PCDHA3: variants seen among roughly 807,000 people sequenced by gnomAD.
The protein encoded by PCDHA3 is protocadherin alpha 3.
A neutral mutation model predicts 62.2 loss-of-function variants in PCDHA3; 41 were observed. That is an observed-to-expected ratio of 0.66 (90% confidence interval 0.51 to 0.86). The LOEUF is 0.86. PCDHA3 is among the 40% of genes least tolerant of loss of function. The probability of loss-of-function intolerance (pLI) is 0.00; values close to 1 mark genes in which losing one functional copy is unlikely to be tolerated. For synonymous variants in PCDHA3, 640 were observed against 555.4 expected, an observed-to-expected ratio of 1.15 and a Z score of -2.14; for missense variants, 1,304 against 1,241.2, an observed-to-expected ratio of 1.05 and a Z score of -0.76.
chr5:140,809,345 G>A lies in PCDHA3; in HGVS notation c.2394+5754G>A, dbSNP rs138998178. The A allele has an allele frequency of 7.9e-5, 128 of 1,614,044 alleles. No homozygotes were observed. Among genetic ancestry groups the A allele is most frequent in the Non-Finnish European group, 1.0e-4 (121 of 1,179,918 alleles). ...GGTGCTCACGCTGCTGCTGTACACC[G>A]CGCTGCGGTGCTCTGCGCTGCCCAC... On this transcript the variant is annotated intron_variant, in intron 1 of 3. Transcript: ENST00000522353.
At position 140,963,599 on chromosome 5, in the gene PCDHA3, C is replaced by T. The variant is rs968307291; in HGVS notation, c.2395-15350C>T. On this transcript the variant is annotated intron_variant, in intron 1 of 3. Coordinates refer to ENST00000522353, the MANE Select transcript of PCDHA3 (RefSeq NM_018906.3). ...TCAAAATGTAGGATATAGTTCTAGA[C>T]GTAATTGGGAAAGCTTAACTTTGTT... Among the ~76,000 whole-genome samples, 9 of 152,254 alleles carry T rather than the reference C, an allele frequency of 5.9e-5. No individual in the cohort carries two copies. The South Asian group carries it at 1.0e-3, about 18-fold the overall frequency.
In PCDHA3 at chr5:140,853,126, G is replaced by A. The variant is rs182768558; in HGVS notation, c.2394+49535G>A. 8.6e-5 allele frequency: 48 copies of A among 560,326 alleles called. 1 individual carries two copies. In the East Asian group the frequency reaches 5.9e-3, roughly 68 times the overall value. The allele number at this position is 560,326 out of a possible 1,614,324, so 34.7% of individuals were successfully genotyped here. On this transcript the variant is annotated intron_variant, in intron 1 of 3. Coordinates refer to ENST00000522353, the MANE Select transcript of PCDHA3 (RefSeq NM_018906.3). ...GATCTCCTGACCTCATGATCCTCCC[G>A]CCTCAGCCTCCCAAAATGCTGGGAT...
intron 1 of PCDHA3, among the ~76,000 whole-genome samples, chr5:140,901,764 G>A (rs1217710808): frequency 6.6e-6 from 1 of 152,120 alleles, no homozygotes; most frequent in Non-Finnish European, 1.5e-5. Context: ...GACAGGGATT[G>A]CATTGAATTT....
At chr5:140,958,498 G>A (rs2095427243) in intron 1 of PCDHA3, among the ~76,000 whole-genome samples, 1 of 152,020 alleles carries the variant, frequency 6.6e-6, no homozygotes, top group African/African-American at 2.4e-5. Context: ...ACATATCCTA[G>A]GAGGCATGGC....
intron 1 of PCDHA3, among the ~76,000 whole-genome samples, chr5:140,889,199 T>C (rs1399579598): frequency 1.3e-5 from 2 of 151,896 alleles, no homozygotes; most frequent in African/African-American, 4.8e-5. Context: ...ATAACTTGAA[T>C]ACTTAACAAA....
At chr5:140,852,575 C>G (rs913886842) in intron 1 of PCDHA3, 6 of 798,922 alleles carry the variant, frequency 7.5e-6, no homozygotes, top group African/African-American at 1.9e-5. Flanking sequence ...TGTGCCAAGG[C>G]TTTTTTATTT....
chr5:140,817,284 G>C (rs1412260220), intron 1 of PCDHA3: 2 of 152,406 alleles, frequency 1.3e-5, no homozygotes, highest in Non-Finnish European at 2.9e-5. Flanking sequence ...TGTGCTGCTG[G>C]ATGGGACTAT....
intron 1 of PCDHA3, chr5:140,969,495 C>A: frequency 7.0e-7 from 1 of 1,437,888 alleles, no homozygotes; most frequent in South Asian, 1.5e-5. Flanking sequence ...TATTTCCTCT[C>A]TAGAAAAATA....
intron 1 of PCDHA3, chr5:140,870,602 A>G: frequency 6.2e-7 from 1 of 1,613,246 alleles, no homozygotes; most frequent in Non-Finnish European, 8.5e-7. Flanking sequence ...CGGTTGGGCG[A>G]CCGCGCGCTG....
At chr5:140,805,124 C>G in intron 1 of PCDHA3, 1 of 1,583,798 alleles carries the variant, frequency 6.3e-7, no homozygotes. Flanking sequence ...AGACTCTTGG[C>G]AAAGACATTT....
chr5:140,875,525 T>C, intron 1 of PCDHA3: 1 of 1,614,132 alleles, frequency 6.2e-7, no homozygotes, highest in Non-Finnish European at 8.5e-7. Flanking sequence ...CTGCTCTCGC[T>C]TCTGCTCCTT....
chr5:140,875,783 T>C (rs782000038), intron 1 of PCDHA3: 4 of 1,614,050 alleles, frequency 2.5e-6, no homozygotes, highest in Non-Finnish European at 3.4e-6. Flanking sequence ...GAGTGCAGTA[T>C]CCACCTGGAG....
chr5:140,858,158 G>A lies in PCDHA3; in HGVS notation c.2394+54567G>A, dbSNP rs781899082. On this transcript the variant is annotated intron_variant, in intron 1 of 3. Transcript: ENST00000522353. ...CGTGTACCTGATCATCGCCATCTGC[G>A]CGGTGTCCAGCTTGCTGGTGCTCAC... The A allele has an allele frequency of 6.3e-6, 10 of 1,597,616 alleles. 1 individual carries two copies. Among genetic ancestry groups the A allele is most frequent in the Admixed American group, 5.1e-5 (3 of 59,322 alleles).
chr5:140,994,379 G>A (rs2097618506), intron 3 of PCDHA3, among the ~76,000 whole-genome samples: 1 of 152,112 alleles, frequency 6.6e-6, no homozygotes. Flanking sequence ...AAATTCAGGG[G>A]ACTAAGTCAG....
intron 1 of PCDHA3, among the ~76,000 whole-genome samples, chr5:140,906,762 G>GAGAC (rs1413130419): frequency 6.6e-6 from 1 of 152,218 alleles, no homozygotes; most frequent in Non-Finnish European, 1.5e-5. Context: ...GTAATACTAA[G>GAGAC]AGACACCCTA....
chr5:140,802,643 G>C lies in PCDHA3; in HGVS notation c.1446G>C (p.Ala482=). The C allele has an allele frequency of 6.2e-7, 1 of 1,613,746 alleles. No individual in the cohort carries two copies. Among genetic ancestry groups the C allele is most frequent in the Non-Finnish European group, 8.5e-7 (1 of 1,179,880 alleles). Residue 482 remains alanine, a synonymous_variant, in exon 1 of 4, where the codon GCG becomes GCC. Transcript: ENST00000522353. ...TCTTCACGGTGTCTGCGCGGGACGC[G>C]GACGCGCAGGAGAACGCCCTGGTGT... ...CHIFTVSARD[A]DAQENALVSY... is the part of the protein sequence containing the mutation.
intron 1 of PCDHA3, chr5:140,871,535 G>GTTTC: frequency 6.6e-7 from 1 of 1,514,054 alleles, no homozygotes; most frequent in Non-Finnish European, 8.9e-7. Flanking sequence ...AAGTGTATGT[G>GTTTC]AAATTATTTA....
At chr5:140,875,893 C>T (rs781840611) in intron 1 of PCDHA3, 1 of 1,614,140 alleles carries the variant, frequency 6.2e-7, no homozygotes, top group Non-Finnish European at 8.5e-7. Flanking sequence ...ACAAAAGGTA[C>T]CTGTTTCTGA....
At chr5:140,914,445 T>C (rs782813943) in intron 1 of PCDHA3, among the ~76,000 whole-genome samples, 1 of 152,200 alleles carries the variant, frequency 6.6e-6, no homozygotes, top group South Asian at 2.1e-4. Flanking sequence ...CCCATGTCTT[T>C]ATTTTCCAGT....
Sources: gnomAD v4.1 joint callset for allele counts (sites outside exome capture counted in the v4.1 genomes callset) on GRCh38, gnomAD v4.1.1 for gene constraint, MANE v1.5 for transcripts, NCBI Gene and HGNC (gene_info 2026-07-23, HGNC 2026-07-21) for gene names.